Variants in SLC30A7 observed in about 807,000 individuals in gnomAD.
The protein encoded by SLC30A7 is zinc transporter 7.
A neutral mutation model predicts 46.0 loss-of-function variants in SLC30A7; 35 were observed. That is an observed-to-expected ratio of 0.76 (90% CI 0.58 to 1.01). The LOEUF is 1.01. Among genes scored for constraint, SLC30A7 ranks in the 50% least tolerant of loss-of-function variants. The probability of loss-of-function intolerance (pLI) is 0.00; values close to 1 mark genes in which losing one functional copy is unlikely to be tolerated. For missense variants in SLC30A7, 464 were observed against 451.1 expected (o/e 1.03, Z -0.26); for synonymous variants, 147 against 157.8 (o/e 0.93, Z 0.51).
intron 3 of SLC30A7, among the ~76,000 whole-genome samples, chr1:100,907,899 CCT>C (rs1651783727): frequency 6.6e-6 from 1 of 150,946 alleles, no homozygotes; most frequent in South Asian, 2.1e-4. Flanking sequence ...GCTCTTTTTT[CCT>C]CTCTCTTCCT....
chr1:100,990,862 G>T, the SLC30A7 span, among the ~76,000 whole-genome samples: 1 of 152,098 alleles, frequency 6.6e-6, no homozygotes, highest in Non-Finnish European at 1.5e-5. Flanking sequence ...AATTACAAAG[G>T]CTTACACTAA....
At chr1:100,992,545 G>A in the SLC30A7 span, 2 of 835,688 alleles carry the variant, frequency 2.4e-6, no homozygotes, top group Non-Finnish European at 3.7e-6. Flanking sequence ...ACTGACTCTT[G>A]CTTCCATAGT....
chr1:100,969,683 C>A lies in SLC30A7; in HGVS notation c.1083+3765C>A, dbSNP rs543393274. Among the ~76,000 whole-genome samples the A allele has an allele frequency of 1.4e-4, 21 of 152,268 alleles. No individual in the cohort carries two copies. The Middle Eastern group carries it at 0.01, about 74-fold the overall frequency. On this transcript the variant is annotated intron_variant, in intron 10 of 10. Coordinates refer to ENST00000357650, the MANE Select transcript of SLC30A7 (RefSeq NM_133496.5). ...TTAAGCCCTGAAAAAATATTTTAAG[C>A]CTTTTTATCACCTAAGGTCAAGTCT...
the SLC30A7 span, among the ~76,000 whole-genome samples, chr1:100,987,514 C>T: frequency 2.6e-5 from 4 of 152,092 alleles, no homozygotes; most frequent in Non-Finnish European, 4.4e-5. Flanking sequence ...AATGTTACCA[C>T]ATTTTGGGTG....
chr1:100,908,715 T>C (rs558939093), intron 3 of SLC30A7, among the ~76,000 whole-genome samples: 2 of 152,270 alleles, frequency 1.3e-5, no homozygotes, highest in South Asian at 4.1e-4. Flanking sequence ...ATATTTTAGA[T>C]TATTAAAGAA....
chr1:100,982,380 C>T (rs778049879), downstream of SLC30A7, among the ~76,000 whole-genome samples: 1 of 152,182 alleles, frequency 6.6e-6, no homozygotes, highest in Non-Finnish European at 1.5e-5. Flanking sequence ...CTCCCTATTT[C>T]GTAGAAGTTG....
At chr1:100,982,414 C>T (rs949482540), downstream of SLC30A7, among the ~76,000 whole-genome samples, 4 of 152,144 alleles carry the variant, frequency 2.6e-5, no homozygotes, top group East Asian at 1.9e-4. Context: ...AGTGGCTTCT[C>T]GTCACATTCA....
At chr1:100,986,714 T>C (rs960148703), downstream of SLC30A7, among the ~76,000 whole-genome samples, 5 of 152,158 alleles carry the variant, frequency 3.3e-5, no homozygotes, top group African/African-American at 9.7e-5. Flanking sequence ...AAATAGTGAA[T>C]GGATAAACTG....
In SLC30A7 at chr1:100,896,658, A is replaced by G; in HGVS notation, c.169A>G (p.Ile57Val). 6.2e-7 allele frequency: 1 copy of G among 1,613,946 alleles called. No individual in the cohort carries two copies. Among genetic ancestry groups the G allele is most frequent in the African/African-American group, 1.3e-5 (1 of 75,014 alleles). ...SFAFVELLYGIWSNCLGLISD... is the reference protein window; with the variant it reads ...SFAFVELLYGVWSNCLGLISD... The stretch of plus-strand genomic sequence containing the variant: ...CGCTTTTGTGGAACTACTCTACGGC[A>G]TCTGGAGCAACTGGTAACCAAAGGG... The change falls in exon 2 of 11, where the codon ATC becomes GTC. Residue 57 changes from isoleucine (I) to valine (V), a missense_variant. Coordinates refer to ENST00000357650, the MANE Select transcript of SLC30A7 (RefSeq NM_133496.5).
chr1:100,972,915 A>G (rs1656239580), intron 10 of SLC30A7, among the ~76,000 whole-genome samples: 1 of 152,066 alleles, frequency 6.6e-6, no homozygotes, highest in Non-Finnish European at 1.5e-5. Context: ...AGAAAAAATT[A>G]AGTTTGATTT....
intron 8 of SLC30A7, among the ~76,000 whole-genome samples, chr1:100,948,399 G>T (rs1654766440): frequency 6.6e-6 from 1 of 152,182 alleles, no homozygotes; most frequent in African/African-American, 2.4e-5. Flanking sequence ...TAGGGTTTCT[G>T]CTGAGAGATC....
intron 10 of SLC30A7, 102 bp from the exon 11 acceptor site, chr1:100,974,708 T>TA (rs375584406): frequency 1.5e-5 from 12 of 826,172 alleles, no homozygotes; most frequent in African/African-American, 1.2e-4. Flanking sequence ...TTTCTTTTTT[T>TA]AAAAAAGTGA....
chr1:100,927,628 T>C (rs554489642), intron 8 of SLC30A7, among the ~76,000 whole-genome samples: 1 of 152,328 alleles, frequency 6.6e-6, no homozygotes, highest in Admixed American at 6.5e-5. Flanking sequence ...AGAATAGTTG[T>C]GTTTTTCTTC....
At chr1:100,971,853 T>A (rs1360678864) in intron 10 of SLC30A7, among the ~76,000 whole-genome samples, 5 of 152,178 alleles carry the variant, frequency 3.3e-5, no homozygotes, top group African/African-American at 1.2e-4. Context: ...ATAGTCATAT[T>A]CCCGTTTATT....
intron 8 of SLC30A7, among the ~76,000 whole-genome samples, chr1:100,926,290 C>G (rs1199001860): frequency 1.3e-5 from 2 of 152,092 alleles, no homozygotes; most frequent in Non-Finnish European, 2.9e-5. Flanking sequence ...ACTGGGTAGT[C>G]TATAAAGAAG....
chr1:100,983,375 C>CAAAAAAAAAAAAA (rs779529890), downstream of SLC30A7, among the ~76,000 whole-genome samples: 10 of 76,452 alleles, frequency 1.3e-4, no homozygotes, highest in African/African-American at 3.4e-4. Flanking sequence ...TACTTTGAGG[C>CAAAAAAAAAAAAA]AAAAAAAAAA....
chr1:100,923,084 C>T (rs1255066038), intron 8 of SLC30A7, among the ~76,000 whole-genome samples: 1 of 91,360 alleles, frequency 1.1e-5, no homozygotes, highest in East Asian at 3.1e-4. Context: ...GGCGCAATCT[C>T]GGCTCACTGC....
intron 2 of SLC30A7, among the ~76,000 whole-genome samples, chr1:100,898,462 A>G (rs1005880846): frequency 3.3e-5 from 5 of 152,160 alleles, no homozygotes. Context: ...TGCAGCTTAT[A>G]TACTGTTTTT....
intron 10 of SLC30A7, among the ~76,000 whole-genome samples, chr1:100,969,386 G>A (rs1430848618): frequency 6.6e-6 from 1 of 152,028 alleles, no homozygotes; most frequent in African/African-American, 2.4e-5. Context: ...CCCTTATAGT[G>A]TGAGCTTCTG....
Sources: allele counts gnomAD v4.1 joint callset (sites outside exome capture counted in the v4.1 genomes callset), GRCh38; gene constraint gnomAD v4.1.1; transcripts MANE v1.5; gene names NCBI Gene and HGNC (gene_info 2026-07-23, HGNC 2026-07-21).